Variants in STXBP5L observed in about 807,000 individuals in gnomAD.
STXBP5L encodes the protein syntaxin-binding protein 5-like.
STXBP5L carries 65 observed loss-of-function variants against 144.5 expected under a neutral mutation model. That is an observed-to-expected ratio of 0.45 (90% confidence interval 0.37 to 0.55). STXBP5L has a LOEUF of 0.55. Among genes scored for constraint, STXBP5L ranks in the 20% least tolerant of loss-of-function variants. STXBP5L has a pLI of 0.00. For missense variants in STXBP5L, 1,298 were observed against 1,405.5 expected (o/e 0.92, Z 1.22); for synonymous variants, 505 against 469.6 (o/e 1.08, Z -0.97).
chr3:121,404,880 T>C (rs1302355270), intron 22 of STXBP5L, among the ~76,000 whole-genome samples: 2 of 152,166 alleles, frequency 1.3e-5, no homozygotes, highest in Admixed American at 1.3e-4. Context: ...ACAGACTCAG[T>C]GGCTTAAACA....
At chr3:120,999,112 G>A (rs1386813729) in intron 3 of STXBP5L, among the ~76,000 whole-genome samples, 6 of 152,266 alleles carry the variant, frequency 3.9e-5, no homozygotes, top group Non-Finnish European at 7.4e-5. Flanking sequence ...GAGTGCAGTG[G>A]CATGATTTTG....
intron 20 of STXBP5L, among the ~76,000 whole-genome samples, chr3:121,327,485 T>A (rs1330310086): frequency 6.6e-6 from 1 of 152,196 alleles, no homozygotes; most frequent in Non-Finnish European, 1.5e-5. Context: ...ACTATTATTG[T>A]GTATTTTGCC....
intron 9 of STXBP5L, chr3:121,157,860 C>T: frequency 4.4e-6 from 2 of 458,298 alleles, no homozygotes; most frequent in Admixed American, 9.8e-5. Flanking sequence ...TATGTACTGT[C>T]CCAACCAAAA....
At chr3:121,321,263 T>C (rs956234157) in intron 20 of STXBP5L, among the ~76,000 whole-genome samples, 1 of 152,234 alleles carries the variant, frequency 6.6e-6, no homozygotes, top group African/African-American at 2.4e-5. Context: ...ATAACAGTTT[T>C]GTAATCATTA....
chr3:121,226,586 C>T (rs909080636), intron 11 of STXBP5L, among the ~76,000 whole-genome samples: 2 of 152,104 alleles, frequency 1.3e-5, no homozygotes, highest in Non-Finnish European at 2.9e-5. Flanking sequence ...CTGAATGTCC[C>T]GAGAGCATCC....
chr3:121,295,404 A>G (rs1259993772), intron 19 of STXBP5L, among the ~76,000 whole-genome samples: 1 of 152,136 alleles, frequency 6.6e-6, no homozygotes, highest in Non-Finnish European at 1.5e-5. Context: ...TCTGATTTTC[A>G]GTTCAGTATT....
chr3:121,369,629 A>G (rs557685368), intron 20 of STXBP5L, among the ~76,000 whole-genome samples: 3 of 151,092 alleles, frequency 2.0e-5, no homozygotes, highest in Non-Finnish European at 4.4e-5. Flanking sequence ...TCCAGTCCTT[A>G]CTCACTGGCT....
intron 3 of STXBP5L, among the ~76,000 whole-genome samples, chr3:121,008,102 G>T (rs1016437437): frequency 6.6e-6 from 1 of 151,842 alleles, no homozygotes; most frequent in Non-Finnish European, 1.5e-5. Context: ...CTGGGTTTAT[G>T]TAGGCCTTTT....
intron 10 of STXBP5L, among the ~76,000 whole-genome samples, chr3:121,206,491 A>G (rs1234601035): frequency 1.2e-4 from 18 of 152,202 alleles, no homozygotes; most frequent in Admixed American, 1.2e-3. Flanking sequence ...AATAATATTT[A>G]GTAAAATATT....
At chr3:121,393,247 C>A (rs1270759281) in intron 22 of STXBP5L, among the ~76,000 whole-genome samples, 1 of 148,870 alleles carries the variant, frequency 6.7e-6, no homozygotes, top group Non-Finnish European at 1.5e-5. Context: ...AGTGCCTGTT[C>A]ATGTATTTTG....
intron 9 of STXBP5L, among the ~76,000 whole-genome samples, chr3:121,176,250 AT>A (rs1364571021): frequency 6.6e-6 from 1 of 151,962 alleles, no homozygotes; most frequent in African/African-American, 2.4e-5. Context: ...AATGCACACC[AT>A]TTTTTTAAAA....
chr3:121,377,942 T>C (rs976767122), intron 20 of STXBP5L, among the ~76,000 whole-genome samples: 7 of 152,134 alleles, frequency 4.6e-5, no homozygotes, highest in African/African-American at 1.4e-4. Flanking sequence ...AATGATAGAC[T>C]GGATAAAGAA....
intron 5 of STXBP5L, among the ~76,000 whole-genome samples, chr3:121,078,528 C>T (rs1216701862): frequency 6.6e-6 from 1 of 152,274 alleles, no homozygotes; most frequent in Non-Finnish European, 1.5e-5. Context: ...GTGCCATGCG[C>T]CCGCACTCCT....
At chr3:121,085,600 C>G (rs1458460217) in intron 5 of STXBP5L, among the ~76,000 whole-genome samples, 1 of 152,094 alleles carries the variant, frequency 6.6e-6, no homozygotes. Context: ...AATAAAATAT[C>G]TAGGAATATA....
chr3:120,971,371 G>T (rs184084576), intron 3 of STXBP5L, among the ~76,000 whole-genome samples: 2 of 147,878 alleles, frequency 1.4e-5, no homozygotes, highest in South Asian at 2.2e-4. Flanking sequence ...TCCTTCACCC[G>T]CACCCCCCCC....
chr3:121,365,351 G>T (rs1397680811), intron 20 of STXBP5L, among the ~76,000 whole-genome samples: 1 of 151,624 alleles, frequency 6.6e-6, no homozygotes, highest in Admixed American at 6.6e-5. Context: ...CTTCTTTAAA[G>T]ATTTGGCAGA....
At chr3:121,023,279 T>A (rs992443293) in intron 3 of STXBP5L, among the ~76,000 whole-genome samples, 1 of 152,168 alleles carries the variant, frequency 6.6e-6, no homozygotes, top group African/African-American at 2.4e-5. Context: ...CCCATGCTCA[T>A]GGATGGATAG....
intron 18 of STXBP5L, 119 bp downstream of exon 18, chr3:121,259,287 T>A (rs2050310471): frequency 5.8e-6 from 4 of 693,102 alleles, no homozygotes; most frequent in Admixed American, 4.3e-5. Context: ...TTTATTAGAT[T>A]AAACAATATA....
At chr3:121,120,230 G>T (rs761914399) in intron 6 of STXBP5L, among the ~76,000 whole-genome samples, 1 of 151,268 alleles carries the variant, frequency 6.6e-6, no homozygotes, top group Non-Finnish European at 1.5e-5. Context: ...GCTATGGTTT[G>T]TTGGCAATTA....
Sources: gnomAD v4.1 joint callset for allele counts (sites outside exome capture counted in the v4.1 genomes callset) on GRCh38, gnomAD v4.1.1 for gene constraint, MANE v1.5 for transcripts, NCBI Gene and HGNC (gene_info 2026-07-23, HGNC 2026-07-21) for gene names.